TLL1: variants seen among roughly 807,000 people sequenced by gnomAD.
TLL1 encodes tolloid like 1.
In TLL1, 49 loss-of-function variants were observed where a neutral mutation model predicts 128.2. That is an observed-to-expected ratio of 0.38 (90% confidence interval 0.30 to 0.48). The LOEUF (loss-of-function observed/expected upper bound fraction) is 0.48, where lower values mean the gene tolerates loss of function less well. Ranked by LOEUF, TLL1 falls within the 20% of genes least tolerant of loss-of-function variation. The probability of loss-of-function intolerance (pLI) is 0.96; values close to 1 mark genes in which losing one functional copy is unlikely to be tolerated. For synonymous variants in TLL1, 454 were observed against 418.8 expected (o/e 1.08, Z -1.03); for missense variants, 1,123 against 1,242.0 (o/e 0.90, Z 1.44).
At chr4:166,058,380 A>T (rs1390809131) in intron 14 of TLL1, among the ~76,000 whole-genome samples, 2 of 152,176 alleles carry the variant, frequency 1.3e-5, no homozygotes, top group Admixed American at 1.3e-4. Flanking sequence ...TCATCTTTGT[A>T]TCTCTAATAT....
intron 19 of TLL1, 52 bp from the exon 20 acceptor site, chr4:166,099,225 G>A: frequency 6.2e-7 from 1 of 1,612,262 alleles, no homozygotes; most frequent in Non-Finnish European, 8.5e-7. Flanking sequence ...ATTTAAATTG[G>A]ACCCGTTAAA....
At position 165,948,424 on chromosome 4, in the gene TLL1, A is replaced by T. The variant is rs548852630; in HGVS notation, c.170-40957A>T. Among the ~76,000 whole-genome samples the T allele has an allele frequency of 8.5e-5, 13 of 152,234 alleles. No homozygotes were observed. In the South Asian group the frequency reaches 2.7e-3, roughly 32 times the overall value. On this transcript the variant is annotated intron_variant, in intron 1 of 20. Transcript: ENST00000061240. The stretch of plus-strand genomic sequence containing the variant: ...TGAGTTGTTGCTATAATGGAATGAG[A>T]CTTGTCTTAGTCCACTTTCTGTTTC...
chr4:165,902,862 A>G (rs1732064722), intron 1 of TLL1, among the ~76,000 whole-genome samples: 1 of 152,196 alleles, frequency 6.6e-6, no homozygotes, highest in Admixed American at 6.5e-5. Flanking sequence ...TCAGACTTAG[A>G]TGTAAAACCT....
At chr4:165,963,898 C>T (rs1243199986) in intron 1 of TLL1, among the ~76,000 whole-genome samples, 3 of 152,048 alleles carry the variant, frequency 2.0e-5, no homozygotes, top group African/African-American at 2.4e-5. Context: ...TTCAGCTGCA[C>T]GTTATTAAAA....
At chr4:166,099,872 G>A (rs772546101) in intron 20 of TLL1, among the ~76,000 whole-genome samples, 4 of 152,032 alleles carry the variant, frequency 2.6e-5, no homozygotes, top group South Asian at 2.1e-4. Context: ...ATTCTGTCAC[G>A]TTTCTGAATT....
At chr4:166,008,452 T>C (rs1459340820) in intron 7 of TLL1, among the ~76,000 whole-genome samples, 1 of 151,580 alleles carries the variant, frequency 6.6e-6, no homozygotes, top group Non-Finnish European at 1.5e-5. Context: ...TGTTAAAATG[T>C]CACAATCTAG....
intron 1 of TLL1, among the ~76,000 whole-genome samples, chr4:165,921,503 C>G (rs1398101455): frequency 6.6e-6 from 1 of 152,204 alleles, no homozygotes; most frequent in Non-Finnish European, 1.5e-5. Flanking sequence ...TTTCTTAACA[C>G]TGTTTCTTCC....
At chr4:166,039,299 A>T (rs766378774) in intron 9 of TLL1, 40 bp from the exon 10 acceptor site, 1 of 1,425,864 alleles carries the variant, frequency 7.0e-7, no homozygotes, top group Non-Finnish European at 9.9e-7. Flanking sequence ...TGTAGATACA[A>T]TCATTTTTAC....
chr4:166,060,158 G>A lies in TLL1; in HGVS notation c.1977G>A (p.Lys659=). ...VAPTQYRISV[K]FEFFELEGNE... ...CAACCCAGTACAGAATTTCTGTGAA[G>A]TTTGAGTTTTTTGAATTGGAAGGCA... Residue 659 remains lysine, a synonymous_variant, in exon 15 of 21, where the codon AAG becomes AAA. Transcript: ENST00000061240. The A allele has an allele frequency of 1.2e-6, 2 of 1,613,394 alleles. No individual in the cohort carries two copies. The highest frequency in any genetic ancestry group is 1.7e-6 in the Non-Finnish European group (2 of 1,179,784).
intron 1 of TLL1, among the ~76,000 whole-genome samples, chr4:165,901,433 A>G (rs1200496333): frequency 6.6e-6 from 1 of 151,886 alleles, no homozygotes; most frequent in Non-Finnish European, 1.5e-5. Flanking sequence ...TTTTGTGTGG[A>G]TGTCATTTTG....
At position 165,893,711 on chromosome 4, in the gene TLL1, C is replaced by T. The variant is rs142419001; in HGVS notation, c.169+19638C>T. Among the ~76,000 whole-genome samples, 48 of 152,208 alleles carry T rather than the reference C, an allele frequency of 3.2e-4. 1 individual carries two copies. Among genetic ancestry groups the T allele is most frequent in the Non-Finnish European group, 6.2e-4 (42 of 68,008 alleles). ...GCTCACCCAGAGCAGGTAACGGTAC[C>T]TATTCTCATGCAGTACACTTGTACA... On this transcript the variant is annotated intron_variant, in intron 1 of 20. Coordinates refer to ENST00000061240, the MANE Select transcript of TLL1 (RefSeq NM_012464.5).
chr4:165,965,297 T>G (rs1474359000), intron 1 of TLL1, among the ~76,000 whole-genome samples: 5 of 152,296 alleles, frequency 3.3e-5, no homozygotes, highest in African/African-American at 1.2e-4. Context: ...AAAAATCTCT[T>G]TGCAAAAGAT....
intron 1 of TLL1, among the ~76,000 whole-genome samples, chr4:165,953,602 G>A (rs867712542): frequency 5.6e-5 from 8 of 142,626 alleles, no homozygotes; most frequent in Middle Eastern, 3.6e-3. Flanking sequence ...AAACACCTTC[G>A]AGATAGGTCA....
chr4:166,091,330 C>T lies in TLL1; in HGVS notation c.2645C>T (p.Thr882Ile). The T allele has an allele frequency of 6.2e-7, 1 of 1,612,318 alleles. No homozygotes were observed. The highest frequency in any genetic ancestry group is 8.5e-7 in the Non-Finnish European group (1 of 1,179,038). Residue 882 changes from threonine (T) to isoleucine (I), a missense_variant, in exon 19 of 21, where the codon ACA becomes ATA. Around this residue, in one of 3 missense-constraint regions of TLL1, gnomAD observed 634 missense variants for 672.4 expected, o/e 0.94. Coordinates refer to ENST00000061240, the MANE Select transcript of TLL1 (RefSeq NM_012464.5). ...ASVQRKGFQATHSTECGGRLK... is the reference protein window; with the variant it reads ...ASVQRKGFQAIHSTECGGRLK... ...GTTCAAAGAAAAGGCTTTCAAGCTACACATTCTACAGGTCAGCAAATTCAA... is the reference window on the plus strand; with the variant it reads ...GTTCAAAGAAAAGGCTTTCAAGCTATACATTCTACAGGTCAGCAAATTCAA...
chr4:165,994,652 C>G (rs1050917880), intron 4 of TLL1, 119 bp downstream of exon 4: 2 of 1,187,988 alleles, frequency 1.7e-6, no homozygotes, highest in Non-Finnish European at 2.4e-6. Context: ...GGTTGGAAAA[C>G]TACTTCATTA....
chr4:165,959,792 G>C (rs1005660142), intron 1 of TLL1, among the ~76,000 whole-genome samples: 3 of 152,210 alleles, frequency 2.0e-5, no homozygotes, highest in African/African-American at 7.2e-5. Flanking sequence ...TTTGAAATTA[G>C]TGAAAACGGA....
chr4:166,057,120 C>G (rs2111113387), intron 13 of TLL1, 64 bp from the exon 14 acceptor site: 1 of 1,596,084 alleles, frequency 6.3e-7, no homozygotes, highest in Admixed American at 1.7e-5. Context: ...CACAGCCAAA[C>G]CATTTCACAT....
intron 1 of TLL1, among the ~76,000 whole-genome samples, chr4:165,946,542 A>C (rs1734260835): frequency 7.6e-6 from 1 of 131,790 alleles, no homozygotes; most frequent in African/African-American, 2.9e-5. Context: ...GTTTTCCCAT[A>C]TTGCCCAAGC....
chr4:166,099,241 T>C (rs762612707), intron 19 of TLL1, 36 bp from the exon 20 acceptor site: 1 of 1,613,168 alleles, frequency 6.2e-7, no homozygotes, highest in Non-Finnish European at 8.5e-7. Flanking sequence ...TTAAAGCTCA[T>C]TGACCTTACT....
Sources: allele counts gnomAD v4.1 joint callset (sites outside exome capture counted in the v4.1 genomes callset), GRCh38; gene constraint gnomAD v4.1.1; regional missense constraint gnomAD v4.1.1; transcripts MANE v1.5; gene names NCBI Gene and HGNC (gene_info 2026-07-23, HGNC 2026-07-21).